ATRNL1: variants seen among roughly 807,000 people sequenced by gnomAD.
The protein encoded by ATRNL1 is attractin like 1, also known as attractin-like protein 1.
Under a neutral mutation model 182.7 loss-of-function variants are expected in ATRNL1, and 95 were observed. The observed-to-expected ratio is 0.52, with a 90% CI of 0.44 to 0.62. The LOEUF (loss-of-function observed/expected upper bound fraction) is 0.62, where lower values mean the gene tolerates loss of function less well. ATRNL1 is among the 20% of genes least tolerant of loss of function. ATRNL1 has a pLI of 0.00. For synonymous variants in ATRNL1, 576 were observed against 568.3 expected (o/e 1.01, Z -0.19); for missense variants, 1,471 against 1,679.5 (o/e 0.88, Z 2.17).
At chr10:115,603,633 T>G (rs1200854549) in intron 26 of ATRNL1, among the ~76,000 whole-genome samples, 4 of 152,186 alleles carry the variant, frequency 2.6e-5, no homozygotes, top group Non-Finnish European at 4.4e-5. Context: ...TGTCATACAT[T>G]TAACTTATAC....
intron 26 of ATRNL1, among the ~76,000 whole-genome samples, chr10:115,623,329 T>G (rs1362519350): frequency 6.6e-6 from 1 of 152,144 alleles, no homozygotes; most frequent in African/African-American, 2.4e-5. Flanking sequence ...AAACTGAAAT[T>G]AAAAAATTGA....
intron 28 of ATRNL1, among the ~76,000 whole-genome samples, chr10:115,888,495 C>T (rs1555110363): frequency 6.6e-6 from 1 of 152,152 alleles, no homozygotes. Context: ...GATGGAATGC[C>T]CTTCTCCTCC....
intron 27 of ATRNL1, among the ~76,000 whole-genome samples, chr10:115,840,220 G>C (rs192236229): frequency 3.9e-5 from 6 of 152,106 alleles, no homozygotes; most frequent in African/African-American, 1.2e-4. Context: ...GTTTGGCATT[G>C]GGATTAGATT....
In ATRNL1 at chr10:115,741,915, A is replaced by G. The variant is rs563454278; in HGVS notation, c.3903+14560A>G. 4.6e-5 allele frequency among the ~76,000 whole-genome samples: 7 copies of G among 152,278 alleles called. No individual in the cohort carries two copies. In the South Asian group the frequency reaches 1.2e-3, roughly 27 times the overall value. On this transcript the variant is annotated intron_variant, in intron 27 of 28. Coordinates refer to ENST00000355044, the MANE Select transcript of ATRNL1 (RefSeq NM_207303.4). ...CAGGCTGAGAAAGAGTACAGAATTAAGAAGATTGAAGAGTTTTAGAACTAT... is the reference window on the plus strand; with the variant it reads ...CAGGCTGAGAAAGAGTACAGAATTAGGAAGATTGAAGAGTTTTAGAACTAT...
chr10:115,852,626 C>G (rs527972162), intron 28 of ATRNL1, among the ~76,000 whole-genome samples: 1 of 152,262 alleles, frequency 6.6e-6, no homozygotes, highest in South Asian at 2.1e-4. Flanking sequence ...AGCCAGAATT[C>G]AAACCCAGGG....
At position 115,286,462 on chromosome 10, in the gene ATRNL1, T is replaced by TC. The variant is rs1592381804; in HGVS notation, c.2415+65_2415+66insC. The stretch of plus-strand genomic sequence containing the variant: ...GATAATTTCATAATTATTTGAAATT[T>TC]TTTTTTGGTTTTAATACATTATTGT... On this transcript the variant is annotated intron_variant, in intron 15 of 28. Transcript: ENST00000355044. 9.7e-6 allele frequency: 11 copies of TC among 1,130,862 alleles called. No individual in the cohort carries two copies. In the East Asian group the frequency reaches 3.0e-4, roughly 31 times the overall value. The allele number at this position is 1,130,862 out of a possible 1,614,324, so 70.1% of individuals were successfully genotyped here. A position where few individuals can be genotyped will look rare whatever the true frequency, so the allele number is the denominator to read the frequency against.
At chr10:115,648,570 G>T (rs1859781676) in intron 26 of ATRNL1, among the ~76,000 whole-genome samples, 1 of 152,166 alleles carries the variant, frequency 6.6e-6, no homozygotes, top group Non-Finnish European at 1.5e-5. Context: ...CAAGGCTACA[G>T]TAACCAAAAC....
chr10:115,186,035 C>T (rs1481702988), intron 8 of ATRNL1, among the ~76,000 whole-genome samples: 2 of 151,674 alleles, frequency 1.3e-5, no homozygotes, highest in African/African-American at 4.8e-5. Context: ...AGATAAGTAA[C>T]TGAGTGAACA....
At chr10:115,094,329 C>G (rs1197804928) in intron 1 of ATRNL1, among the ~76,000 whole-genome samples, 2 of 152,202 alleles carry the variant, frequency 1.3e-5, no homozygotes, top group African/African-American at 4.8e-5. Flanking sequence ...ATCCGCTGCT[C>G]AGCACGAACA....
At chr10:115,291,431 G>A (rs1432048351) in intron 15 of ATRNL1, among the ~76,000 whole-genome samples, 1 of 152,250 alleles carries the variant, frequency 6.6e-6, no homozygotes, top group East Asian at 1.9e-4. Flanking sequence ...TGTTCAGTAT[G>A]ATGTTAGCTG....
At chr10:115,773,089 G>C (rs1233116668) in intron 27 of ATRNL1, among the ~76,000 whole-genome samples, 1 of 152,118 alleles carries the variant, frequency 6.6e-6, no homozygotes. Context: ...GAAAAAGAGG[G>C]ACTTTACTAT....
chr10:115,529,488 TTATTAATTGAATGAGCTTC>T (rs1851438028), intron 25 of ATRNL1, among the ~76,000 whole-genome samples: 1 of 103,542 alleles, frequency 9.7e-6, no homozygotes. Context: ...CTTCTGATTT[TTATTAATTGAATGAGCTTC>T]TTATTAATTG....
chr10:115,764,899 C>G (rs895819474), intron 27 of ATRNL1, among the ~76,000 whole-genome samples: 9 of 152,206 alleles, frequency 5.9e-5, no homozygotes, highest in African/African-American at 1.7e-4. Flanking sequence ...GTCTCAAACT[C>G]CTGACCTCAG....
In ATRNL1 at chr10:115,127,591, A is replaced by G; in HGVS notation, c.492-2A>G. 6.2e-7 allele frequency: 1 copy of G among 1,607,830 alleles called. No individual in the cohort carries two copies. The highest frequency in any genetic ancestry group is 8.5e-7 in the Non-Finnish European group (1 of 1,176,682). On this transcript the variant is annotated splice_acceptor_variant, in intron 3 of 28. Transcript: ENST00000355044. LOFTEE classifies it high-confidence loss of function. The stretch of plus-strand genomic sequence containing the variant: ...ACAATATTCAGTTTTGTTCTCTTTT[A>G]GTGGTTTGATAGTCCCTGAAATAAG...
In ATRNL1 at chr10:115,334,352, A is replaced by G; in HGVS notation, c.3108A>G (p.Thr1036=). 2 of 1,606,436 alleles carry G rather than the reference A, an allele frequency of 1.2e-6. No individual in the cohort carries two copies. The highest frequency in any genetic ancestry group is 8.5e-7 in the Non-Finnish European group (1 of 1,174,490). Residue 1036 remains threonine (T), a synonymous_variant, in exon 19 of 29, where the codon ACA becomes ACG. Coordinates refer to ENST00000355044, the MANE Select transcript of ATRNL1 (RefSeq NM_207303.4). ...NVCEQCKNLT[T]GKQCQDCMPG... ...GCGAACAGTGTAAAAATCTCACCACAGGAAAGCAGTGTCAAGATTGTATGC... is the reference window on the plus strand; with the variant it reads ...GCGAACAGTGTAAAAATCTCACCACGGGAAAGCAGTGTCAAGATTGTATGC...
intron 19 of ATRNL1, among the ~76,000 whole-genome samples, chr10:115,363,198 T>G (rs1856840947): frequency 6.6e-6 from 1 of 151,430 alleles, no homozygotes; most frequent in African/African-American, 2.4e-5. Context: ...TCCTGACTTT[T>G]TAATGATCGC....
chr10:115,478,351 C>T (rs1257253966), intron 24 of ATRNL1, among the ~76,000 whole-genome samples: 2 of 151,666 alleles, frequency 1.3e-5, no homozygotes, highest in African/African-American at 4.8e-5. Flanking sequence ...TCCAAGGTCA[C>T]TAGTTGTTGG....
intron 28 of ATRNL1, among the ~76,000 whole-genome samples, chr10:115,882,378 A>G (rs1386956932): frequency 1.3e-5 from 2 of 152,162 alleles, no homozygotes; most frequent in African/African-American, 2.4e-5. Context: ...AAGTGGCCTT[A>G]AGACGCCCCT....
intron 26 of ATRNL1, among the ~76,000 whole-genome samples, chr10:115,688,238 T>C (rs1946281290): frequency 6.6e-6 from 1 of 152,184 alleles, no homozygotes; most frequent in African/African-American, 2.4e-5. Context: ...TGTAGGTTGA[T>C]TCTATAGCTT....
Sources: gnomAD v4.1 joint callset for allele counts (sites outside exome capture counted in the v4.1 genomes callset) on GRCh38, gnomAD v4.1.1 for gene constraint, MANE v1.5 for transcripts, NCBI Gene and HGNC (gene_info 2026-07-23, HGNC 2026-07-21) for gene names.